Variants in DGKB observed in about 807,000 individuals in gnomAD.
The protein encoded by DGKB is 90 kDa diacylglycerol kinase.
DGKB carries 67 observed loss-of-function variants against 114.3 expected under a neutral mutation model. That is an observed-to-expected ratio of 0.59 (90% confidence interval 0.48 to 0.72). The LOEUF (loss-of-function observed/expected upper bound fraction) is 0.72. DGKB is among the 30% of genes least tolerant of loss of function. The pLI, the probability that DGKB is intolerant of heterozygous loss-of-function variation, is 0.00. For missense variants in DGKB, 907 were observed against 975.2 expected, an observed-to-expected ratio of 0.93 and a Z score of 0.93; for synonymous variants, 398 against 323.1, an observed-to-expected ratio of 1.23 and a Z score of -2.49.
At chr7:14,899,109 T>C (rs1782570815) in intron 1 of DGKB, among the ~76,000 whole-genome samples, 2 of 152,136 alleles carry the variant, frequency 1.3e-5, no homozygotes, top group African/African-American at 2.4e-5. Context: ...ATAAGACAAG[T>C]GACAGTAATC....
chr7:14,162,649 G>A (rs558291154), intron 25 of DGKB, among the ~76,000 whole-genome samples: 8 of 152,018 alleles, frequency 5.3e-5, no homozygotes, highest in East Asian at 1.9e-4. Flanking sequence ...ATTAATTCAG[G>A]TTTCAAAATA....
intron 19 of DGKB, among the ~76,000 whole-genome samples, chr7:14,577,355 T>C (rs866346977): frequency 2.0e-5 from 3 of 152,148 alleles, no homozygotes; most frequent in Non-Finnish European, 4.4e-5. Flanking sequence ...CGGTGGCTCA[T>C]GTCTATAATC....
chr7:14,631,205 T>G (rs1809620786), intron 13 of DGKB, among the ~76,000 whole-genome samples: 1 of 138,702 alleles, frequency 7.2e-6, no homozygotes, highest in Non-Finnish European at 1.5e-5. Context: ...AAAAATCTGA[T>G]AGTCCAGATA....
At chr7:14,392,841 C>CCAAG (rs1821528285) in intron 21 of DGKB, among the ~76,000 whole-genome samples, 1 of 151,938 alleles carries the variant, frequency 6.6e-6, no homozygotes, top group Non-Finnish European at 1.5e-5. Context: ...ATTCTATATA[C>CCAAG]CAAGATAGCT....
At chr7:14,377,378 G>T (rs1440569951) in intron 21 of DGKB, among the ~76,000 whole-genome samples, 1 of 152,056 alleles carries the variant, frequency 6.6e-6, no homozygotes, top group Non-Finnish European at 1.5e-5. Flanking sequence ...AAAGAAAAAA[G>T]AAAATTGTTT....
chr7:14,737,283 ATTTT>A (rs11348925), intron 4 of DGKB, among the ~76,000 whole-genome samples: 65 of 82,508 alleles, frequency 7.9e-4, no homozygotes, highest in Middle Eastern at 8.6e-3. Context: ...TTGAAGGCCA[ATTTT>A]TTTTTTTTTT....
intron 13 of DGKB, among the ~76,000 whole-genome samples, chr7:14,645,762 G>A (rs559163584): frequency 2.0e-5 from 3 of 151,314 alleles, no homozygotes; most frequent in African/African-American, 7.3e-5. Context: ...AAGAAATAAA[G>A]AGTAAAGTTT....
rs10231553 is a variant in DGKB, at chr7:14,935,371, C to T, written c.-188+39325G>A. ...ATAACAGGCGTCAATGATTAGAATGCCAACCAAAATGGTTTTTGTTTTTAA... is the reference window on the plus strand; with the variant it reads ...ATAACAGGCGTCAATGATTAGAATGTCAACCAAAATGGTTTTTGTTTTTAA... On this transcript the variant is annotated intron_variant, in intron 1 of 4. Transcript: ENST00000437998. 2.6e-3 allele frequency among the ~76,000 whole-genome samples: 402 copies of T among 152,158 alleles called. 3 individuals carry two copies. Among genetic ancestry groups the T allele is most frequent in the African/African-American group, 9.1e-3 (376 of 41,542 alleles).
At chr7:14,816,298 T>A (rs1844144289) in intron 2 of DGKB, 3 of 152,294 alleles carry the variant, frequency 2.0e-5, no homozygotes, top group Non-Finnish European at 4.4e-5. Context: ...GCAGAGATCA[T>A]GCCACTGCAC....
At chr7:14,278,594 G>T (rs976223617) in intron 23 of DGKB, among the ~76,000 whole-genome samples, 60 of 152,048 alleles carry the variant, frequency 3.9e-4, no homozygotes, top group African/African-American at 1.4e-3. Flanking sequence ...TGATTTTTGG[G>T]GATATGACCC....
chr7:14,229,098 C>A (rs1480840898), intron 23 of DGKB, among the ~76,000 whole-genome samples: 3 of 151,730 alleles, frequency 2.0e-5, no homozygotes, highest in Admixed American at 6.6e-5. Flanking sequence ...TGCATTAGCC[C>A]AAATTAATTT....
intron 4 of DGKB, among the ~76,000 whole-genome samples, chr7:14,739,323 G>A (rs1832198999): frequency 6.6e-6 from 1 of 152,166 alleles, no homozygotes; most frequent in African/African-American, 2.4e-5. Context: ...ATAAATCAGT[G>A]TGGGGTGGCT....
At chr7:14,925,002 T>A (rs1784681311) in intron 1 of DGKB, among the ~76,000 whole-genome samples, 1 of 152,210 alleles carries the variant, frequency 6.6e-6, no homozygotes, top group African/African-American at 2.4e-5. Flanking sequence ...TTTAAATTTG[T>A]TATATAAATA....
intron 23 of DGKB, among the ~76,000 whole-genome samples, chr7:14,287,845 TAGA>T (rs1337932900): frequency 1.3e-5 from 2 of 152,168 alleles, no homozygotes; most frequent in African/African-American, 2.4e-5. Flanking sequence ...TTTTAATTAA[TAGA>T]AGGACAGCCT....
At chr7:14,751,511 A>C (rs753410676) in intron 4 of DGKB, among the ~76,000 whole-genome samples, 1 of 152,242 alleles carries the variant, frequency 6.6e-6, no homozygotes, top group Non-Finnish European at 1.5e-5. Context: ...GAGGAACATC[A>C]CTGAAACTAT....
intron 20 of DGKB, among the ~76,000 whole-genome samples, chr7:14,530,375 C>G (rs952256092): frequency 2.6e-5 from 4 of 151,524 alleles, no homozygotes; most frequent in Non-Finnish European, 5.9e-5. Flanking sequence ...TATACAATAA[C>G]TCATCTCAAA....
chr7:14,682,369 T>G (rs962370148), intron 12 of DGKB, among the ~76,000 whole-genome samples, 184 bp downstream of exon 12: 9 of 152,088 alleles, frequency 5.9e-5, no homozygotes, highest in African/African-American at 2.2e-4. Context: ...AATTCAGGAC[T>G]CTATGGGGAC....
chr7:14,294,901 T>C (rs1802297303), intron 23 of DGKB, among the ~76,000 whole-genome samples: 1 of 152,138 alleles, frequency 6.6e-6, no homozygotes, highest in South Asian at 2.1e-4. Context: ...GAGAGTCTTG[T>C]TGGAGTTCAA....
chr7:14,856,033 C>G (rs561733081), intron 1 of DGKB, among the ~76,000 whole-genome samples: 1 of 143,962 alleles, frequency 6.9e-6, no homozygotes, highest in East Asian at 2.0e-4. Context: ...AATTAACATA[C>G]TCCTAAACCT....
Sources: gnomAD v4.1 joint callset for allele counts (sites outside exome capture counted in the v4.1 genomes callset) on GRCh38, gnomAD v4.1.1 for gene constraint, MANE v1.5 for transcripts, NCBI Gene and HGNC (gene_info 2026-07-23, HGNC 2026-07-21) for gene names.